The following MYH9 variants were observed in gnomAD, a reference collection of about 807,000 sequenced individuals.
MYH9 encodes myosin heavy chain 9.
Under a neutral mutation model 241.9 loss-of-function variants are expected in MYH9, and 29 were observed. The ratio of observed to expected loss-of-function variants is 0.12; its 90% CI spans 0.09 to 0.16. The LOEUF (loss-of-function observed/expected upper bound fraction) is 0.16, where lower values mean the gene tolerates loss of function less well. Ranked by LOEUF, MYH9 falls within the 10% of genes least tolerant of loss-of-function variation. The probability of loss-of-function intolerance (pLI) is 1.00; values close to 1 mark genes in which losing one functional copy is unlikely to be tolerated. For synonymous variants in MYH9, 1,047 were observed against 1,062.6 expected (o/e 0.99, Z 0.29); for missense variants, 1,803 against 2,595.5 (o/e 0.69, Z 6.63).
intron 34 of MYH9, among the ~76,000 whole-genome samples, chr22:36,287,439 T>G (rs2016604391): frequency 6.6e-6 from 1 of 152,186 alleles, no homozygotes; most frequent in African/African-American, 2.4e-5. Flanking sequence ...GGGTTTTTTT[T>G]TTACACTTAA....
Position 36,319,569 on chromosome 22 carries a change from G to C in MYH9, c.1079C>G (p.Thr360Ser), listed in dbSNP as rs2017216897. 1.2e-6 allele frequency: 2 copies of C among 1,614,212 alleles called. No homozygotes were observed. Among genetic ancestry groups the C allele is most frequent in the African/African-American group, 1.3e-5 (1 of 75,056 alleles). Reference sequence around the variant, plus strand: ...GTTGTCGGGCATGGACGCCTGGTCAGTGTTCCGCTCCTTCTTGAAGACGAT... The same window carrying C: ...GTTGTCGGGCATGGACGCCTGGTCACTGTTCCGCTCCTTCTTGAAGACGAT... ...GNIVFKKERN[T>S]DQASMPDNTA... Residue 360 changes from threonine (T) to serine (S), a missense_variant, in exon 10 of 41, where the codon ACT becomes AGT. Physicochemically the swap from Thr to Ser is moderately conservative, Grantham distance 58 (BLOSUM62 1). Around this residue, in one of 11 missense-constraint regions of MYH9, gnomAD observed 222 missense variants for 359.9 expected, o/e 0.62. Transcript: ENST00000216181.
chr22:36,347,859 G>A (rs2017702327), intron 2 of MYH9, among the ~76,000 whole-genome samples: 2 of 150,830 alleles, frequency 1.3e-5, no homozygotes, highest in South Asian at 4.2e-4. Flanking sequence ...TGGGCTTGGG[G>A]CAAATGGTGA....
At chr22:36,325,261 C>T (rs551148311) in intron 5 of MYH9, 12 of 631,218 alleles carry the variant, frequency 1.9e-5, no homozygotes, top group Admixed American at 1.4e-4. Context: ...AGATTCCAAA[C>T]GTCTTGAGAA....
chr22:36,364,321 C>T (rs2017977409), intron 1 of MYH9, among the ~76,000 whole-genome samples: 1 of 152,166 alleles, frequency 6.6e-6, no homozygotes, highest in South Asian at 2.1e-4. Flanking sequence ...CCACTGCATC[C>T]CCAGTGCCCC....
chr22:36,349,671 A>C (rs2017736031), intron 1 of MYH9, among the ~76,000 whole-genome samples: 1 of 152,166 alleles, frequency 6.6e-6, no homozygotes, highest in Admixed American at 6.5e-5. Flanking sequence ...CGGAGGTTGC[A>C]GTAAGCCAGC....
chr22:36,312,974 C>T (rs1167109395), intron 13 of MYH9, among the ~76,000 whole-genome samples: 1 of 151,780 alleles, frequency 6.6e-6, no homozygotes, highest in Non-Finnish European at 1.5e-5. Context: ...CCTGTAATCC[C>T]AGCCACTCAG....
chr22:36,306,736 T>C lies in MYH9; in HGVS notation c.1844-129A>G. On this transcript the variant is annotated intron_variant, in intron 15 of 40. Coordinates refer to ENST00000216181, the MANE Select transcript of MYH9 (RefSeq NM_002473.6). The surrounding 1 kb of genome is among the most constrained non-coding windows in gnomAD (Gnocchi z 4.1). The stretch of plus-strand genomic sequence containing the variant: ...GAGACAGAATGAAACAACAGGACCC[T>C]TTCCAATTGGAGCCTACACTGGGTG... The C allele has an allele frequency of 2.1e-6, 2 of 974,142 alleles. No homozygotes were observed. The highest frequency in any genetic ancestry group is 1.6e-5 in the African/African-American group (1 of 62,054). 60.3% of individuals were successfully genotyped at this position (974,142 alleles called of 1,614,324 possible).
chr22:36,302,803 G>A (rs2016902707), intron 19 of MYH9, 127 bp from the exon 20 acceptor site: 2 of 762,388 alleles, frequency 2.6e-6, no homozygotes, highest in Non-Finnish European at 4.5e-6. Context: ...AAGAAATTCA[G>A]GGAAGGGGTC....
chr22:36,306,098 C>G lies in MYH9; in HGVS notation c.2038-47G>C. 3 of 1,609,848 alleles carry G rather than the reference C, an allele frequency of 1.9e-6. No individual in the cohort carries two copies. The highest frequency in any genetic ancestry group is 2.5e-6 in the Non-Finnish European group (3 of 1,179,910). ...TGCGGTCTCACTTCCGTGCCTAGAACAGTCGGAGAATAGTCAGGGAACCCC... is the reference window on the plus strand; with the variant it reads ...TGCGGTCTCACTTCCGTGCCTAGAAGAGTCGGAGAATAGTCAGGGAACCCC... On this transcript the variant is annotated intron_variant, in intron 16 of 40. Coordinates refer to ENST00000216181, the MANE Select transcript of MYH9 (RefSeq NM_002473.6). The surrounding 1 kb of genome is among the most constrained non-coding windows in gnomAD (Gnocchi z 4.1).
rs766088687 is a variant in MYH9, at chr22:36,304,044, C to T, written c.2341G>A (p.Asp781Asn). The T allele has an allele frequency of 3.3e-5, 53 of 1,613,662 alleles. No homozygotes were observed. Among genetic ancestry groups the T allele is most frequent in the South Asian group, 5.5e-5 (5 of 91,092 alleles). ...LEEERDLKIT[D>N]VIIGFQACCR... ...CAGGCCTGGAACCCTATGATGACGT[C>T]GGTGATCTTCAGGTCTCGCTCCTCC... Residue 781 changes from aspartate (D) to asparagine (N), a missense_variant, in exon 19 of 41, where the codon GAC becomes AAC. By Grantham distance (23) the Asp-to-Asn change is conservative. Coordinates refer to ENST00000216181, the MANE Select transcript of MYH9 (RefSeq NM_002473.6).
At chr22:36,341,266 C>G in intron 3 of MYH9, 104 bp downstream of exon 3, 1 of 1,451,452 alleles carries the variant, frequency 6.9e-7, no homozygotes, top group South Asian at 1.2e-5. Context: ...CATCACCAGC[C>G]ACTAGATCAA....
chr22:36,284,812 T>TC (rs2146327535), intron 38 of MYH9, among the ~76,000 whole-genome samples: 1 of 152,266 alleles, frequency 6.6e-6, no homozygotes, highest in East Asian at 1.9e-4. Flanking sequence ...GAAGTCTCAG[T>TC]CCTGCTGAGC....
rs142693756 is a variant in MYH9 at position 36,324,096 on chromosome 22, C to T, written c.613-1575G>A. Among the ~76,000 whole-genome samples the T allele has an allele frequency of 3.2e-3, 483 of 152,356 alleles. 4 individuals are homozygous for T. The highest frequency in any genetic ancestry group is 0.028 in the South Asian group (136 of 4,834). Reference sequence around the variant, plus strand: ...CCATTCCCGCAGACAGAAGGGAGCGCGGCCCCTCCATTGCCTGTGCTCGCC... The same window carrying T: ...CCATTCCCGCAGACAGAAGGGAGCGTGGCCCCTCCATTGCCTGTGCTCGCC... On this transcript the variant is annotated intron_variant, in intron 5 of 40. Coordinates refer to ENST00000216181, the MANE Select transcript of MYH9 (RefSeq NM_002473.6).
At chr22:36,384,738 A>T (rs2018324350) in intron 1 of MYH9, among the ~76,000 whole-genome samples, 1 of 148,408 alleles carries the variant, frequency 6.7e-6, no homozygotes, top group Admixed American at 6.8e-5. Flanking sequence ...TGATTCCCAT[A>T]TTATACATAA....
rs1458660141 is a variant in MYH9 at position 36,286,738 on chromosome 22, C to T, written c.5041G>A (p.Glu1681Lys). Residue 1681 changes from glutamate to lysine, a missense_variant, in exon 35 of 41, where the codon GAG (glutamate) becomes AAG (lysine). By Grantham distance (56) the Glu-to-Lys change is moderately conservative (BLOSUM62 1). Around this residue, in one of 11 missense-constraint regions of MYH9, gnomAD observed 876 missense variants for 1,077.8 expected, o/e 0.81. Coordinates refer to ENST00000216181, the MANE Select transcript of MYH9 (RefSeq NM_002473.6). ...NEKKLKSMEA[E>K]MIQLQEELAA... Reference sequence around the variant, plus strand: ...CCCACCTCCTGCAACTGGATCATCTCGGCCTCCATGCTCTTCAGCTTCTTC... The same window carrying T: ...CCCACCTCCTGCAACTGGATCATCTTGGCCTCCATGCTCTTCAGCTTCTTC... The T allele has an allele frequency of 2.5e-6, 4 of 1,612,930 alleles. No individual in the cohort carries two copies. Among genetic ancestry groups the T allele is most frequent in the African/African-American group, 2.7e-5 (2 of 74,942 alleles).
In MYH9 at chr22:36,306,049, G is replaced by A. The variant is rs747857022; in HGVS notation, c.2040C>T (p.Ala680=). The A allele has an allele frequency of 4.6e-5, 74 of 1,612,948 alleles. No individual in the cohort carries two copies. In the South Asian group the frequency reaches 6.8e-4, roughly 15 times the overall value. The change falls in exon 17 of 41, where the codon GCC becomes GCT. Residue 680 remains alanine, a splice_region_variant and synonymous_variant. Coordinates refer to ENST00000216181, the MANE Select transcript of MYH9 (RefSeq NM_002473.6). The surrounding 1 kb of genome is among the most constrained non-coding windows in gnomAD (Gnocchi z 4.1). ...RCIIPNHEKK[A]GKLDPHLVLD... ...GCACGAGATGCGGGTCCAGCTTGCC[G>A]GCCTGGAGAAGAAAACACATGCATG...
In MYH9 at chr22:36,285,421, C is replaced by T; in HGVS notation, c.5275-92G>A. On this transcript the variant is annotated intron_variant, in intron 37 of 40. Transcript: ENST00000216181. The surrounding 1 kb of genome is among the most constrained non-coding windows in gnomAD (Gnocchi z 7.0). ...AGAGGAAGGTGGCAGCAGGATCCCA[C>T]CAAACCCTTGGGGTCCAGAGTCTTG... The T allele has an allele frequency of 6.9e-7, 1 of 1,442,818 alleles. No homozygotes were observed. Among genetic ancestry groups the T allele is most frequent in the Non-Finnish European group, 9.6e-7 (1 of 1,038,578 alleles). 89.4% of individuals were successfully genotyped at this position (1,442,818 alleles called of 1,614,324 possible).
intron 1 of MYH9, among the ~76,000 whole-genome samples, chr22:36,369,666 C>T (rs1021532198): frequency 7.2e-5 from 11 of 152,202 alleles, no homozygotes; most frequent in South Asian, 2.1e-4. Flanking sequence ...CTAGGTAACG[C>T]GACCCAGCAA....
In MYH9 at chr22:36,306,190, G is replaced by A; in HGVS notation, c.2038-139C>T. 6.9e-7 allele frequency: 1 copy of A among 1,443,138 alleles called. No individual in the cohort carries two copies. Among genetic ancestry groups the A allele is most frequent in the East Asian group, 2.3e-5 (1 of 42,854 alleles). The allele number at this position is 1,443,138 out of a possible 1,614,324, so 89.4% of individuals were successfully genotyped here. A position where few individuals can be genotyped will look rare whatever the true frequency, so the allele number is the denominator to read the frequency against. ...ACAGCCCACAGGTTTGGACAATGAA[G>A]TCAAAGGATCCAGGTCTGGGAGGGG... On this transcript the variant is annotated intron_variant, in intron 16 of 40. Coordinates refer to ENST00000216181, the MANE Select transcript of MYH9 (RefSeq NM_002473.6). The surrounding 1 kb of genome is among the most constrained non-coding windows in gnomAD (Gnocchi z 4.1).
Sources: allele counts gnomAD v4.1 joint callset (sites outside exome capture counted in the v4.1 genomes callset), GRCh38; gene constraint gnomAD v4.1.1; regional missense constraint gnomAD v4.1.1; non-coding constraint Gnocchi (gnomAD v3.1); transcripts MANE v1.5; gene names NCBI Gene and HGNC (gene_info 2026-07-23, HGNC 2026-07-21).